VWC2L: variants seen among roughly 807,000 people sequenced by gnomAD.
The protein encoded by VWC2L is von Willebrand factor C domain containing 2 like, also known as von Willebrand factor C domain-containing protein 2-like.
In VWC2L, 10 loss-of-function variants were observed where a neutral mutation model predicts 21.6. The observed-to-expected ratio is 0.46, with a 90% CI of 0.29 to 0.78. The LOEUF is 0.78. Ranked by LOEUF, VWC2L falls within the 30% of genes least tolerant of loss-of-function variation. The probability of loss-of-function intolerance (pLI) is 0.10; values close to 1 mark genes in which losing one functional copy is unlikely to be tolerated. For missense variants in VWC2L, 209 were observed against 277.1 expected (o/e 0.75, Z 1.74); for synonymous variants, 96 against 94.3 (o/e 1.02, Z -0.10).
intron 3 of VWC2L, among the ~76,000 whole-genome samples, chr2:214,531,941 A>G (rs1315477215): frequency 6.6e-6 from 1 of 152,124 alleles, no homozygotes; most frequent in Non-Finnish European, 1.5e-5. Flanking sequence ...CAGTGTTTCA[A>G]TCTTCATAAG....
At chr2:214,419,889 C>A (rs540925072) in intron 2 of VWC2L, among the ~76,000 whole-genome samples, 1 of 151,998 alleles carries the variant, frequency 6.6e-6, no homozygotes, top group East Asian at 1.9e-4. Flanking sequence ...TGAAACCCTG[C>A]CTCTACTAAA....
chr2:214,524,268 C>A (rs891283992), intron 3 of VWC2L, among the ~76,000 whole-genome samples: 8 of 152,112 alleles, frequency 5.3e-5, no homozygotes, highest in Admixed American at 4.6e-4. Context: ...CCAAATTATT[C>A]TTGGTTGTTA....
At chr2:214,435,066 G>A (rs888422856) in intron 2 of VWC2L, among the ~76,000 whole-genome samples, 1 of 152,166 alleles carries the variant, frequency 6.6e-6, no homozygotes, top group African/African-American at 2.4e-5. Flanking sequence ...GGGAAAGTTC[G>A]ACAAGTCTGC....
At chr2:214,475,147 C>A (rs1349150170) in intron 3 of VWC2L, among the ~76,000 whole-genome samples, 4 of 152,092 alleles carry the variant, frequency 2.6e-5, no homozygotes, top group Non-Finnish European at 5.9e-5. Flanking sequence ...AAAAGAAATT[C>A]TTTGTTGTAC....
intron 3 of VWC2L, among the ~76,000 whole-genome samples, chr2:214,570,462 C>A (rs1690133829): frequency 6.6e-6 from 1 of 152,148 alleles, no homozygotes; most frequent in African/African-American, 2.4e-5. Context: ...TTCCTGGGCT[C>A]AAGAGATCCT....
chr2:214,416,888 T>C (rs879530949), intron 2 of VWC2L, among the ~76,000 whole-genome samples: 3 of 152,074 alleles, frequency 2.0e-5, no homozygotes, highest in Non-Finnish European at 4.4e-5. Context: ...AAATAAATGA[T>C]TGTCCCCTCC....
chr2:214,430,808 A>C, intron 2 of VWC2L, among the ~76,000 whole-genome samples: 1 of 152,200 alleles, frequency 6.6e-6, no homozygotes, highest in East Asian at 1.9e-4. Context: ...TTTGCTGAGT[A>C]ACTGAGATGG....
chr2:214,551,499 T>C (rs1689793903), intron 3 of VWC2L, among the ~76,000 whole-genome samples: 1 of 152,212 alleles, frequency 6.6e-6, no homozygotes, highest in Non-Finnish European at 1.5e-5. Context: ...AAACAAAAAA[T>C]TACTCAGAGA....
intron 3 of VWC2L, among the ~76,000 whole-genome samples, chr2:214,438,577 G>T (rs1280522169): frequency 6.6e-6 from 1 of 151,894 alleles, no homozygotes; most frequent in Non-Finnish European, 1.5e-5. Context: ...TAAAGCATAC[G>T]TTTAAAACAG....
At chr2:214,505,962 G>A (rs1688962213) in intron 3 of VWC2L, among the ~76,000 whole-genome samples, 1 of 152,094 alleles carries the variant, frequency 6.6e-6, no homozygotes, top group Non-Finnish European at 1.5e-5. Context: ...GGGTAGCCGG[G>A]AGTGCTGGGA....
At chr2:214,421,883 A>G (rs1422805849) in intron 2 of VWC2L, among the ~76,000 whole-genome samples, 4 of 88,354 alleles carry the variant, frequency 4.5e-5, no homozygotes, top group Non-Finnish European at 6.6e-5. Flanking sequence ...TATTTCCTAC[A>G]TCTTTTTTTT....
chr2:214,515,447 A>C (rs1453104709), intron 3 of VWC2L, among the ~76,000 whole-genome samples: 1 of 152,034 alleles, frequency 6.6e-6, no homozygotes, highest in Non-Finnish European at 1.5e-5. Context: ...GCATCTTCCT[A>C]CTCTCAAGAG....
intron 3 of VWC2L, among the ~76,000 whole-genome samples, chr2:214,475,985 C>G (rs1363128533): frequency 6.6e-6 from 1 of 152,160 alleles, no homozygotes; most frequent in Non-Finnish European, 1.5e-5. Context: ...AGCCGCAAAA[C>G]AATTGATGAA....
chr2:214,494,750 A>G (rs905218528), intron 3 of VWC2L, among the ~76,000 whole-genome samples: 2 of 151,986 alleles, frequency 1.3e-5, no homozygotes, highest in Non-Finnish European at 2.9e-5. Context: ...AATGTTACAC[A>G]ACTGTGTTTT....
chr2:214,447,803 T>G (rs969377162), intron 3 of VWC2L, among the ~76,000 whole-genome samples: 4 of 152,062 alleles, frequency 2.6e-5, no homozygotes, highest in African/African-American at 7.2e-5. Context: ...CGTCTAAACC[T>G]TCTTGGGCTC....
intron 3 of VWC2L, among the ~76,000 whole-genome samples, chr2:214,544,531 G>A (rs753507839): frequency 6.6e-6 from 1 of 152,052 alleles, no homozygotes; most frequent in Non-Finnish European, 1.5e-5. Context: ...CTAAGGACTG[G>A]TACGCTTGTT....
intron 3 of VWC2L, among the ~76,000 whole-genome samples, chr2:214,497,178 A>G (rs1688824319): frequency 6.7e-6 from 1 of 149,908 alleles, no homozygotes; most frequent in African/African-American, 2.5e-5. Context: ...GGCTTCAGGC[A>G]TGTAACATTT....
At chr2:214,412,026 T>C (rs1275014944) in intron 1 of VWC2L, among the ~76,000 whole-genome samples, 2 of 140,910 alleles carry the variant, frequency 1.4e-5, no homozygotes, top group Non-Finnish European at 3.0e-5. Context: ...TTATGAAGGC[T>C]TTTTTTTAAA....
chr2:214,531,885 T>C (rs1171519413), intron 3 of VWC2L, among the ~76,000 whole-genome samples: 2 of 152,172 alleles, frequency 1.3e-5, no homozygotes, highest in Admixed American at 6.6e-5. Flanking sequence ...AAGTGCAGTT[T>C]TATAGTATTT....
Sources: allele counts gnomAD v4.1 joint callset (sites outside exome capture counted in the v4.1 genomes callset), GRCh38; gene constraint gnomAD v4.1.1; transcripts MANE v1.5; gene names NCBI Gene and HGNC (gene_info 2026-07-23, HGNC 2026-07-21).